Variants in KIF6 observed in about 807,000 individuals in gnomAD.
KIF6 encodes kinesin family member 6.
A neutral mutation model predicts 112.7 loss-of-function variants in KIF6; 106 were observed. The ratio of observed to expected loss-of-function variants is 0.94; its 90% CI spans 0.80 to 1.11. The LOEUF (loss-of-function observed/expected upper bound fraction) is 1.11, where lower values mean the gene tolerates loss of function less well. Ranked by LOEUF, KIF6 falls within the 50% of genes least tolerant of loss-of-function variation. The pLI is 0.00. For synonymous variants in KIF6, 339 were observed against 339.9 expected (o/e 1.00, Z 0.03); for missense variants, 929 against 964.0 (o/e 0.96, Z 0.48).
intron 3 of KIF6, among the ~76,000 whole-genome samples, chr6:39,652,539 A>T (rs935450685): frequency 6.7e-6 from 1 of 148,800 alleles, no homozygotes; most frequent in Non-Finnish European, 1.5e-5. Context: ...AAAAAAAAAA[A>T]CAAAACAAAA....
intron 3 of KIF6, among the ~76,000 whole-genome samples, chr6:39,693,066 T>G (rs1412089252): frequency 6.6e-6 from 1 of 152,216 alleles, no homozygotes; most frequent in Non-Finnish European, 1.5e-5. Context: ...GGAACTGGCG[T>G]ACAGCTGCGC....
At chr6:39,588,885 C>T (rs1432605227) in intron 7 of KIF6, among the ~76,000 whole-genome samples, 1 of 152,206 alleles carries the variant, frequency 6.6e-6, no homozygotes, top group Non-Finnish European at 1.5e-5. Context: ...GCTTGGGAAA[C>T]CACACACGCC....
At chr6:39,407,631 A>G (rs1195313764) in intron 15 of KIF6, among the ~76,000 whole-genome samples, 1 of 152,250 alleles carries the variant, frequency 6.6e-6, no homozygotes, top group South Asian at 2.1e-4. Context: ...TTCAATAAGG[A>G]TTAAATTAAT....
intron 10 of KIF6, among the ~76,000 whole-genome samples, chr6:39,560,625 C>T (rs574742941): frequency 2.0e-5 from 3 of 152,248 alleles, no homozygotes; most frequent in South Asian, 4.2e-4. Context: ...GCAATTACCC[C>T]GGCACTTCTC....
intron 13 of KIF6, among the ~76,000 whole-genome samples, chr6:39,454,486 T>G (rs1422498665): frequency 1.7e-5 from 2 of 119,650 alleles, no homozygotes; most frequent in African/African-American, 3.4e-5. Context: ...AGGAAAAATA[T>G]AAACGAAACT....
chr6:39,441,860 T>A (rs1771939210), intron 13 of KIF6, among the ~76,000 whole-genome samples: 1 of 152,216 alleles, frequency 6.6e-6, no homozygotes, highest in South Asian at 2.1e-4. Context: ...TAGAGTTTCT[T>A]AAGTAGCCAC....
intron 3 of KIF6, among the ~76,000 whole-genome samples, chr6:39,701,202 A>T (rs1788857517): frequency 1.3e-5 from 2 of 152,342 alleles, no homozygotes; most frequent in South Asian, 2.1e-4. Flanking sequence ...CTGTTCAGAC[A>T]CTCAGGACAA....
chr6:39,347,614 A>C (rs1446385172), intron 19 of KIF6, among the ~76,000 whole-genome samples: 3 of 152,178 alleles, frequency 2.0e-5, no homozygotes, highest in African/African-American at 7.2e-5. Flanking sequence ...GAGGCCTAAG[A>C]AGTCACCTGG....
intron 3 of KIF6, among the ~76,000 whole-genome samples, chr6:39,674,405 C>T (rs1445340972): frequency 1.3e-5 from 2 of 152,054 alleles, no homozygotes; most frequent in Admixed American, 6.6e-5. Context: ...TTTTGCTTAC[C>T]TGAATTCTTC....
intron 20 of KIF6, among the ~76,000 whole-genome samples, chr6:39,346,114 TCCCTCTCCCTCC>T (rs1763752543): frequency 8.1e-5 from 3 of 36,916 alleles, no homozygotes; most frequent in East Asian, 1.0e-3. Context: ...CCCCTCCCTC[TCCCTCTCCCTCC>T]CTCTCCCTCT....
At chr6:39,578,485 T>TG (rs1371907824) in intron 9 of KIF6, among the ~76,000 whole-genome samples, 1 of 151,970 alleles carries the variant, frequency 6.6e-6, no homozygotes, top group Non-Finnish European at 1.5e-5. Context: ...CATGCTACCA[T>TG]GCCCGGCTAA....
At chr6:39,433,217 AG>A (rs1289330859) in intron 13 of KIF6, among the ~76,000 whole-genome samples, 2 of 152,226 alleles carry the variant, frequency 1.3e-5, no homozygotes, top group African/African-American at 4.8e-5. Flanking sequence ...ACAACACAAA[AG>A]TAAGTGACAA....
chr6:39,392,359 T>C (rs908580275), intron 15 of KIF6, among the ~76,000 whole-genome samples: 1 of 152,202 alleles, frequency 6.6e-6, no homozygotes, highest in African/African-American at 2.4e-5. Context: ...CCTAAACATG[T>C]AGTCTTATAA....
At chr6:39,419,630 G>A (rs1770204130) in intron 15 of KIF6, among the ~76,000 whole-genome samples, 1 of 152,196 alleles carries the variant, frequency 6.6e-6, no homozygotes, top group Non-Finnish European at 1.5e-5. Flanking sequence ...ACGTCTCACT[G>A]TAACCGTGAA....
chr6:39,611,589 C>T (rs984908934), intron 6 of KIF6, among the ~76,000 whole-genome samples: 1 of 152,152 alleles, frequency 6.6e-6, no homozygotes, highest in Non-Finnish European at 1.5e-5. Context: ...GATGGATCGC[C>T]TCCGAAAGAA....
chr6:39,690,550 A>G (rs1788139129), intron 3 of KIF6: 1 of 152,560 alleles, frequency 6.6e-6, no homozygotes, highest in Admixed American at 6.6e-5. Flanking sequence ...AGGGCAGTGT[A>G]GGGAACAGAC....
At chr6:39,532,743 T>C (rs1248789864) in intron 13 of KIF6, among the ~76,000 whole-genome samples, 2 of 152,254 alleles carry the variant, frequency 1.3e-5, no homozygotes, top group East Asian at 3.8e-4. Context: ...ATTTCCAGGC[T>C]GAATCCTTCA....
intron 15 of KIF6, among the ~76,000 whole-genome samples, chr6:39,419,353 CAAAAAA>C (rs10682536): frequency 5.4e-5 from 4 of 73,734 alleles, no homozygotes; most frequent in East Asian, 4.6e-4. Context: ...GACTCTGTCT[CAAAAAA>C]AAAAAAAAAA....
At chr6:39,387,337 C>T (rs1332616112) in intron 15 of KIF6, among the ~76,000 whole-genome samples, 1 of 152,172 alleles carries the variant, frequency 6.6e-6, no homozygotes, top group Non-Finnish European at 1.5e-5. Flanking sequence ...TTCTCTACTT[C>T]GACTTGCCCT....
Sources: gnomAD v4.1 joint callset for allele counts (sites outside exome capture counted in the v4.1 genomes callset) on GRCh38, gnomAD v4.1.1 for gene constraint, MANE v1.5 for transcripts, NCBI Gene and HGNC (gene_info 2026-07-23, HGNC 2026-07-21) for gene names.